The following KCNH8 variants were observed in gnomAD, a reference collection of about 807,000 sequenced individuals.
KCNH8 encodes potassium voltage-gated channel subfamily H member 8.
KCNH8 carries 70 observed loss-of-function variants against 103.6 expected under a neutral mutation model. The observed-to-expected ratio is 0.68, with a 90% CI of 0.56 to 0.82. KCNH8 has a LOEUF of 0.82. KCNH8 is among the 40% of genes least tolerant of loss of function. KCNH8 has a pLI of 0.00. For synonymous variants in KCNH8, 498 were observed against 489.4 expected (o/e 1.02, Z -0.23); for missense variants, 1,217 against 1,329.9 (o/e 0.92, Z 1.32).
intron 1 of KCNH8, among the ~76,000 whole-genome samples, chr3:19,153,815 G>C (rs1182445597): frequency 2.0e-5 from 3 of 151,562 alleles, no homozygotes; most frequent in African/African-American, 7.3e-5. Flanking sequence ...TGCATTTTTA[G>C]TAGAGACGGG....
Position 19,351,937 on chromosome 3 carries a change from C to T in KCNH8, c.811+3972C>T, listed in dbSNP as rs867437815. Among the ~76,000 whole-genome samples, 6 of 152,218 alleles carry T rather than the reference C, an allele frequency of 3.9e-5. No homozygotes were observed. The South Asian group carries it at 6.2e-4, about 16-fold the overall frequency. On this transcript the variant is annotated intron_variant, in intron 5 of 15. Coordinates refer to ENST00000328405, the MANE Select transcript of KCNH8 (RefSeq NM_144633.3). ...AAATGCTCCAATTAAAAGACACAGA[C>T]TGGCAAATTGGATAAAGAGTCAAGA...
intron 7 of KCNH8, among the ~76,000 whole-genome samples, chr3:19,436,904 C>A (rs140672603): frequency 6.6e-6 from 1 of 152,166 alleles, no homozygotes; most frequent in African/African-American, 2.4e-5. Context: ...AGCAAGCCCT[C>A]TAGGTGTTTC....
intron 8 of KCNH8, among the ~76,000 whole-genome samples, chr3:19,439,378 T>A (rs1373624471): frequency 6.6e-6 from 1 of 152,194 alleles, no homozygotes; most frequent in Non-Finnish European, 1.5e-5. Flanking sequence ...CAGCTATGAT[T>A]CATAAATATA....
At chr3:19,200,347 A>C (rs1190580922) in intron 1 of KCNH8, among the ~76,000 whole-genome samples, 1 of 152,102 alleles carries the variant, frequency 6.6e-6, no homozygotes, top group Non-Finnish European at 1.5e-5. Context: ...TTTAAAGAGA[A>C]TTAAGAGATA....
intron 11 of KCNH8, among the ~76,000 whole-genome samples, chr3:19,479,132 T>G (rs944838615): frequency 6.6e-6 from 1 of 152,138 alleles, no homozygotes; most frequent in African/African-American, 2.4e-5. Context: ...TTCCATCCCC[T>G]GGCGCACAGA....
At chr3:19,289,840 A>G (rs1479622303) in intron 3 of KCNH8, among the ~76,000 whole-genome samples, 2 of 152,152 alleles carry the variant, frequency 1.3e-5, no homozygotes, top group East Asian at 3.9e-4. Flanking sequence ...CTTGGGCAGT[A>G]TGGCCATTTT....
At chr3:19,402,412 C>T (rs1447993067) in intron 7 of KCNH8, among the ~76,000 whole-genome samples, 2 of 151,650 alleles carry the variant, frequency 1.3e-5, no homozygotes, top group African/African-American at 2.4e-5. Context: ...AGATTATTCT[C>T]GCTACAAAAT....
chr3:19,194,165 T>C (rs1217466742), intron 1 of KCNH8, among the ~76,000 whole-genome samples: 1 of 151,902 alleles, frequency 6.6e-6, no homozygotes, highest in Non-Finnish European at 1.5e-5. Context: ...TTCTGTTTGA[T>C]GCTAATAGTA....
At chr3:19,474,842 A>G (rs897835316) in intron 11 of KCNH8, among the ~76,000 whole-genome samples, 2 of 152,192 alleles carry the variant, frequency 1.3e-5, no homozygotes, top group African/African-American at 4.8e-5. Flanking sequence ...GCATATTTAT[A>G]TCCTAGGTTA....
intron 2 of KCNH8, among the ~76,000 whole-genome samples, chr3:19,274,259 A>G (rs1207770827): frequency 6.6e-6 from 1 of 152,174 alleles, no homozygotes; most frequent in African/African-American, 2.4e-5. Flanking sequence ...TAAAATGTTG[A>G]TCAGGTTGAT....
At chr3:19,440,401 G>A (rs1396194671) in intron 8 of KCNH8, among the ~76,000 whole-genome samples, 1 of 152,168 alleles carries the variant, frequency 6.6e-6, no homozygotes, top group African/African-American at 2.4e-5. Flanking sequence ...AGAAAAAGAG[G>A]TTTAATGGAT....
At chr3:19,277,466 A>T (rs2064691262) in intron 2 of KCNH8, among the ~76,000 whole-genome samples, 1 of 152,070 alleles carries the variant, frequency 6.6e-6, no homozygotes, top group Admixed American at 6.6e-5. Flanking sequence ...TGGGAGGCTG[A>T]GGTGGCAGGA....
At chr3:19,394,625 A>C (rs1194070745) in intron 6 of KCNH8, among the ~76,000 whole-genome samples, 1 of 152,058 alleles carries the variant, frequency 6.6e-6, no homozygotes, top group Non-Finnish European at 1.5e-5. Flanking sequence ...GGGTCTACCT[A>C]TTTTAAAAAA....
intron 11 of KCNH8, among the ~76,000 whole-genome samples, chr3:19,491,770 G>A (rs2068327418): frequency 6.6e-6 from 1 of 152,114 alleles, no homozygotes; most frequent in South Asian, 2.1e-4. Flanking sequence ...ACTGCTTTTT[G>A]CAGTGGCCGA....
At chr3:19,485,041 T>A (rs1262585271) in intron 11 of KCNH8, among the ~76,000 whole-genome samples, 1 of 152,184 alleles carries the variant, frequency 6.6e-6, no homozygotes, top group East Asian at 1.9e-4. Flanking sequence ...TTTTTGATAG[T>A]CCGATTCATT....
At chr3:19,513,600 T>C (rs934994215) in intron 13 of KCNH8, among the ~76,000 whole-genome samples, 1 of 152,182 alleles carries the variant, frequency 6.6e-6, no homozygotes, top group Non-Finnish European at 1.5e-5. Flanking sequence ...TAAATGTATA[T>C]TCCTACCTTG....
chr3:19,455,982 T>C (rs912757530), intron 10 of KCNH8, among the ~76,000 whole-genome samples: 4 of 152,100 alleles, frequency 2.6e-5, no homozygotes, highest in Non-Finnish European at 5.9e-5. Flanking sequence ...CCTGCATCAG[T>C]ATCCAACTTT....
chr3:19,435,088 C>T (rs186789724), intron 7 of KCNH8, among the ~76,000 whole-genome samples: 313 of 152,174 alleles, frequency 2.1e-3, no homozygotes, highest in Admixed American at 6.3e-3. Flanking sequence ...GGATATGTTA[C>T]TGGGCTTGAT....
At chr3:19,389,774 T>C (rs562501149) in intron 5 of KCNH8, among the ~76,000 whole-genome samples, 1 of 152,070 alleles carries the variant, frequency 6.6e-6, no homozygotes, top group East Asian at 1.9e-4. Context: ...ACTACAGACA[T>C]GTGCCAGTAT....
Sources: allele counts gnomAD v4.1 joint callset (sites outside exome capture counted in the v4.1 genomes callset), GRCh38; gene constraint gnomAD v4.1.1; transcripts MANE v1.5; gene names NCBI Gene and HGNC (gene_info 2026-07-23, HGNC 2026-07-21).